Variants in GAS7 observed in about 807,000 individuals in gnomAD.
GAS7 encodes the protein growth arrest-specific protein 7.
Under a neutral mutation model 71.1 loss-of-function variants are expected in GAS7, and 28 were observed. The observed-to-expected ratio is 0.39, with a 90% confidence interval of 0.29 to 0.54. GAS7 has a LOEUF of 0.54. Among genes scored for constraint, GAS7 ranks in the 20% least tolerant of loss-of-function variants. The pLI, the probability that GAS7 is intolerant of heterozygous loss-of-function variation, is 0.62. For missense variants in GAS7, 436 were observed against 627.8 expected, an observed-to-expected ratio of 0.69 and a Z score of 3.27; for synonymous variants, 258 against 245.8, an observed-to-expected ratio of 1.05 and a Z score of -0.46.
At chr17:9,920,967 G>C (rs918812635) in intron 11 of GAS7, among the ~76,000 whole-genome samples, 2 of 152,052 alleles carry the variant, frequency 1.3e-5, no homozygotes, top group African/African-American at 4.8e-5. Flanking sequence ...CCAGGCCCCA[G>C]GCCTAGCTGC....
chr17:9,954,140 A>G (rs916819149), intron 5 of GAS7, among the ~76,000 whole-genome samples: 2 of 152,122 alleles, frequency 1.3e-5, no homozygotes, highest in African/African-American at 4.8e-5. Context: ...TCAGGATGAG[A>G]GGATATGCCC....
At chr17:9,960,189 ATTC>A (rs2069425086) in intron 4 of GAS7, among the ~76,000 whole-genome samples, 1 of 149,694 alleles carries the variant, frequency 6.7e-6, no homozygotes, top group Non-Finnish European at 1.5e-5. Context: ...GCATGACCTT[ATTC>A]TTTTTTTTTT....
chr17:10,130,170 AAAAAAAAAAC>A lies in GAS7; in HGVS notation c.183+68028_183+68037del, dbSNP rs1470047006. Among the ~76,000 whole-genome samples the A allele has an allele frequency of 6.5e-3, 980 of 150,840 alleles. 11 individuals carry two copies. Among genetic ancestry groups the A allele is most frequent in the African/African-American group, 0.022 (914 of 41,118 alleles). On this transcript the variant is annotated intron_variant, in intron 1 of 13. Coordinates refer to ENST00000432992, the MANE Select transcript of GAS7 (RefSeq NM_201433.2). ...GATGACAGAGCAAGACTCAGCCTCA[AAAAAAAAAAC>A]AAAAAAAAACAAAAAACAACAACAA...
chr17:10,152,580 T>C (rs1041509274), intron 1 of GAS7, among the ~76,000 whole-genome samples: 3 of 152,032 alleles, frequency 2.0e-5, no homozygotes, highest in Non-Finnish European at 2.9e-5. Flanking sequence ...CAGATAGACA[T>C]TCCCCCAGTC....
intron 1 of GAS7, among the ~76,000 whole-genome samples, chr17:10,156,223 T>C (rs947581376): frequency 6.6e-6 from 1 of 152,194 alleles, no homozygotes; most frequent in African/African-American, 2.4e-5. Flanking sequence ...GGGGAGCCCA[T>C]TCTGGCATTC....
At chr17:10,105,838 T>C (rs2073751376) in intron 1 of GAS7, among the ~76,000 whole-genome samples, 1 of 152,188 alleles carries the variant, frequency 6.6e-6, no homozygotes, top group Admixed American at 6.5e-5. Flanking sequence ...ATCAGGGACC[T>C]GGGTAGTCTT....
rs534682148 is a variant in GAS7 at position 9,992,870 on chromosome 17, T to G, written c.305-10986A>C. Among the ~76,000 whole-genome samples, 1,281 of 151,672 alleles carry G rather than the reference T, an allele frequency of 8.4e-3. 21 individuals are homozygous for G. Among genetic ancestry groups the G allele is most frequent in the African/African-American group, 0.029 (1,185 of 41,324 alleles). On this transcript the variant is annotated intron_variant, in intron 2 of 13. Coordinates refer to ENST00000432992, the MANE Select transcript of GAS7 (RefSeq NM_201433.2). ...ATATGCGGTGTTTGGTTTTTTGTCC[T>G]TGCGATAGTTTACTGAGAATGATGA...
chr17:10,130,485 C>A (rs1221918870), intron 1 of GAS7, among the ~76,000 whole-genome samples: 1 of 152,174 alleles, frequency 6.6e-6, no homozygotes, highest in Non-Finnish European at 1.5e-5. Flanking sequence ...CCCAGCAATT[C>A]CACCCCTGGA....
rs193169902 is a variant in GAS7 at position 10,036,016 on chromosome 17, T to C, written c.184-16119A>G. Reference sequence around the variant, plus strand: ...GATAGGTGGGTAGAATCCAAGTTTCTTACTTGGAAAAAGTTACATGGAGGA... The same window carrying C: ...GATAGGTGGGTAGAATCCAAGTTTCCTACTTGGAAAAAGTTACATGGAGGA... On this transcript the variant is annotated intron_variant, in intron 1 of 13. Transcript: ENST00000432992. Among the ~76,000 whole-genome samples, 76 of 152,290 alleles carry C rather than the reference T, an allele frequency of 5.0e-4. No individual in the cohort carries two copies. The East Asian group carries it at 0.012, about 24-fold the overall frequency.
intron 5 of GAS7, among the ~76,000 whole-genome samples, chr17:9,957,823 C>T (rs1455105239): frequency 2.6e-5 from 4 of 152,140 alleles, no homozygotes; most frequent in Admixed American, 1.3e-4. Flanking sequence ...CTTGGAGACA[C>T]CGTCCATCAG....
chr17:10,106,299 C>A (rs1177940481), intron 1 of GAS7, among the ~76,000 whole-genome samples: 1 of 152,180 alleles, frequency 6.6e-6, no homozygotes, highest in African/African-American at 2.4e-5. Context: ...GCGGCTCCTC[C>A]GCAGACACCG....
intron 1 of GAS7, among the ~76,000 whole-genome samples, chr17:10,024,165 G>C (rs2072379023): frequency 6.6e-6 from 1 of 151,982 alleles, no homozygotes; most frequent in Non-Finnish European, 1.5e-5. Flanking sequence ...ACTTTTTTCT[G>C]CCTTCTGCGA....
intron 7 of GAS7, among the ~76,000 whole-genome samples, chr17:9,941,138 T>C (rs1450525582): frequency 2.0e-5 from 3 of 152,198 alleles, no homozygotes; most frequent in Non-Finnish European, 4.4e-5. Flanking sequence ...CGAGTAATAA[T>C]AATTGCATGA....
Position 10,036,226 on chromosome 17 carries a change from C to CT in GAS7, c.184-16330dup, listed in dbSNP as rs934973199. 6.0e-3 allele frequency among the ~76,000 whole-genome samples: 876 copies of CT among 146,460 alleles called. 26 individuals are homozygous for CT. The East Asian group carries it at 0.11, about 18-fold the overall frequency. On this transcript the variant is annotated intron_variant, in intron 1 of 13. Transcript: ENST00000432992. ...TGATCTCTCACACAATGACCCACGT[C>CT]TTTTTTTTTTTTCCTCCCTGCTCAT...
rs2069882554 is a variant in GAS7 at position 9,969,798 on chromosome 17, GGCCACAGAT to G, written c.386-45_386-37del. ...AGAGACACGGCTCAGATGCTGTGTG[GGCCACAGAT>G]GGGCACCCCCGCCTTTCGTCCACTG... On this transcript the variant is annotated intron_variant, in intron 3 of 13. Transcript: ENST00000432992. This position sits in a 1 kb window ranked among gnomAD's most constrained non-coding sequence, Gnocchi z 5.5. The G allele has an allele frequency of 7.5e-7, 1 of 1,337,028 alleles. No homozygotes were observed. The highest frequency in any genetic ancestry group is 1.1e-6 in the Non-Finnish European group (1 of 927,914). The allele number at this position is 1,337,028 out of a possible 1,614,324, so 82.8% of individuals were successfully genotyped here. A position where few individuals can be genotyped will look rare whatever the true frequency, so the allele number is the denominator to read the frequency against.
intron 2 of GAS7, among the ~76,000 whole-genome samples, chr17:10,011,989 A>G (rs1363486907): frequency 6.6e-6 from 1 of 151,830 alleles, no homozygotes; most frequent in Non-Finnish European, 1.5e-5. Context: ...AAAAAAAAAA[A>G]CAAAAGATAC....
intron 3 of GAS7, among the ~76,000 whole-genome samples, chr17:9,977,763 G>A (rs1435528092): frequency 6.6e-6 from 1 of 151,942 alleles, no homozygotes; most frequent in East Asian, 1.9e-4. Flanking sequence ...GGGGGGGTTG[G>A]GGGAGGACTC....
chr17:10,148,420 C>T (rs1006967498), intron 1 of GAS7, among the ~76,000 whole-genome samples: 3 of 150,400 alleles, frequency 2.0e-5, no homozygotes, highest in Non-Finnish European at 4.4e-5. Flanking sequence ...ACCAGCATGG[C>T]CAATATGGTG....
chr17:10,127,576 G>A lies in GAS7; in HGVS notation c.183+70632C>T, dbSNP rs114694575. 9.4e-3 allele frequency among the ~76,000 whole-genome samples: 1,434 copies of A among 152,274 alleles called. 30 individuals carry two copies. Among genetic ancestry groups the A allele is most frequent in the African/African-American group, 0.033 (1,372 of 41,550 alleles). On this transcript the variant is annotated intron_variant, in intron 1 of 13. Coordinates refer to ENST00000432992, the MANE Select transcript of GAS7 (RefSeq NM_201433.2). The stretch of plus-strand genomic sequence containing the variant: ...CTCACAGAGGGACAGACTCAGGGCC[G>A]CAGGACACAATCCTCATTCAAGAAT...
Sources: allele counts gnomAD v4.1 joint callset (sites outside exome capture counted in the v4.1 genomes callset), GRCh38; gene constraint gnomAD v4.1.1; non-coding constraint Gnocchi (gnomAD v3.1); transcripts MANE v1.5; gene names NCBI Gene and HGNC (gene_info 2026-07-23, HGNC 2026-07-21).